Variants in MGMT observed in about 807,000 individuals in gnomAD.
The protein encoded by MGMT is O-6-methylguanine-DNA methyltransferase.
MGMT carries 14 observed loss-of-function variants against 15.9 expected under a neutral mutation model. The observed-to-expected ratio is 0.88, with a 90% CI of 0.58 to 1.37. The LOEUF is 1.37. Ranked by LOEUF, MGMT falls within the 40% of genes most tolerant of loss-of-function variation. The pLI is 0.00. For missense variants in MGMT, 282 were observed against 268.1 expected, an observed-to-expected ratio of 1.05 and a Z score of -0.36; for synonymous variants, 130 against 118.2, an observed-to-expected ratio of 1.10 and a Z score of -0.65.
At chr10:129,582,264 C>G (rs974614654) in intron 2 of MGMT, among the ~76,000 whole-genome samples, 1 of 152,206 alleles carries the variant, frequency 6.6e-6, no homozygotes, top group Non-Finnish European at 1.5e-5. Context: ...CTACCAGGAG[C>G]CAAGGCTGTG....
At chr10:129,568,547 A>G (rs1846381521) in intron 2 of MGMT, among the ~76,000 whole-genome samples, 1 of 152,232 alleles carries the variant, frequency 6.6e-6, no homozygotes, top group Non-Finnish European at 1.5e-5. Context: ...AACACACAAT[A>G]GAATTTCTGA....
chr10:129,637,614 G>A (rs768349257), intron 2 of MGMT, among the ~76,000 whole-genome samples: 1 of 152,172 alleles, frequency 6.6e-6, no homozygotes, highest in Non-Finnish European at 1.5e-5. Flanking sequence ...TGGAGCCCTA[G>A]CCCTCAGTAC....
chr10:129,722,238 A>T (rs1195248745), intron 3 of MGMT, among the ~76,000 whole-genome samples: 1 of 152,174 alleles, frequency 6.6e-6, no homozygotes, highest in Non-Finnish European at 1.5e-5. Context: ...AATGTATTCT[A>T]TTTTTATATA....
chr10:129,673,147 G>T (rs189775656), intron 2 of MGMT, among the ~76,000 whole-genome samples: 1 of 152,118 alleles, frequency 6.6e-6, no homozygotes, highest in Non-Finnish European at 1.5e-5. Flanking sequence ...CAGTCACCTC[G>T]CAGGAATGGT....
Position 129,633,854 on chromosome 10 carries a change from G to C in MGMT, c.126-74041G>C, listed in dbSNP as rs114846591. 4.6e-3 allele frequency among the ~76,000 whole-genome samples: 704 copies of C among 152,296 alleles called. 3 individuals carry two copies. The highest frequency in any genetic ancestry group is 0.016 in the African/African-American group (669 of 41,556). ...AAAGAACCAGATAGTAAATATATTA[G>C]TCTCTGTCTCAGTTATTCTGCCGTT... On this transcript the variant is annotated intron_variant, in intron 2 of 4. Transcript: ENST00000651593.
intron 2 of MGMT, among the ~76,000 whole-genome samples, chr10:129,704,957 G>A (rs559017708): frequency 6.6e-6 from 1 of 152,284 alleles, no homozygotes; most frequent in Non-Finnish European, 1.5e-5. Context: ...TCAAAGCGAA[G>A]TAACCCTGGA....
intron 3 of MGMT, among the ~76,000 whole-genome samples, chr10:129,739,847 A>C (rs933261031): frequency 6.6e-6 from 1 of 152,070 alleles, no homozygotes; most frequent in African/African-American, 2.4e-5. Context: ...CAATTCTTCC[A>C]GTATGGCTCA....
chr10:129,643,100 G>A (rs370662697), intron 2 of MGMT, among the ~76,000 whole-genome samples: 1 of 152,140 alleles, frequency 6.6e-6, no homozygotes, highest in South Asian at 2.1e-4. Flanking sequence ...AGTGAAAACT[G>A]TTAGAAAACC....
rs181725398 is a variant in MGMT, at chr10:129,750,537, T to G, written c.275-8665T>G. Among the ~76,000 whole-genome samples the G allele has an allele frequency of 1.2e-3, 184 of 152,248 alleles. 2 individuals are homozygous for G. The Middle Eastern group carries it at 0.017, about 14-fold the overall frequency. ...GCATCTTTACTGAAAGCGTACAGACTTTTTCTCCTTGTCATTATCCTCTCA... is the reference window on the plus strand; with the variant it reads ...GCATCTTTACTGAAAGCGTACAGACGTTTTCTCCTTGTCATTATCCTCTCA... On this transcript the variant is annotated intron_variant, in intron 3 of 4. Transcript: ENST00000651593.
At chr10:129,627,045 A>G (rs1246628482) in intron 2 of MGMT, among the ~76,000 whole-genome samples, 3 of 152,184 alleles carry the variant, frequency 2.0e-5, no homozygotes, top group Non-Finnish European at 4.4e-5. Context: ...TGGCTTTCAG[A>G]AGGCTTCACG....
At chr10:129,590,227 T>C in intron 2 of MGMT, among the ~76,000 whole-genome samples, 1 of 152,364 alleles carries the variant, frequency 6.6e-6, no homozygotes, top group Non-Finnish European at 1.5e-5. Context: ...TGGAAACACA[T>C]GTTTAATATA....
At chr10:129,759,809 G>C (rs887210520) in intron 4 of MGMT, among the ~76,000 whole-genome samples, 1 of 152,112 alleles carries the variant, frequency 6.6e-6, no homozygotes, top group Non-Finnish European at 1.5e-5. Context: ...CCATCTCTCT[G>C]TGGGCTGCAC....
intron 2 of MGMT, among the ~76,000 whole-genome samples, chr10:129,620,265 A>G (rs983334688): frequency 6.6e-6 from 1 of 152,234 alleles, no homozygotes; most frequent in African/African-American, 2.4e-5. Flanking sequence ...TAATTATTGT[A>G]AATGGTGATT....
At chr10:129,633,526 AT>A (rs1397896654) in intron 2 of MGMT, among the ~76,000 whole-genome samples, 3 of 152,174 alleles carry the variant, frequency 2.0e-5, no homozygotes, top group Admixed American at 6.5e-5. Flanking sequence ...TGTATTTCAA[AT>A]TTTTTATAGT....
chr10:129,676,957 C>T (rs557851329), intron 2 of MGMT, among the ~76,000 whole-genome samples: 3 of 152,152 alleles, frequency 2.0e-5, no homozygotes, highest in South Asian at 2.1e-4. Flanking sequence ...GTCCTTATTT[C>T]AGTAAATCTG....
At chr10:129,731,769 G>C (rs1015139525) in intron 3 of MGMT, among the ~76,000 whole-genome samples, 1 of 152,138 alleles carries the variant, frequency 6.6e-6, no homozygotes, top group East Asian at 1.9e-4. Context: ...TAGGTAATAT[G>C]CTTCTGGAAA....
At chr10:129,534,283 C>G (rs1845962664) in intron 1 of MGMT, among the ~76,000 whole-genome samples, 1 of 152,104 alleles carries the variant, frequency 6.6e-6, no homozygotes, top group Non-Finnish European at 1.5e-5. Context: ...GGTTTTTACC[C>G]TTGAGGCAGC....
intron 3 of MGMT, among the ~76,000 whole-genome samples, chr10:129,721,059 G>A (rs894681642): frequency 6.6e-6 from 1 of 152,232 alleles, no homozygotes; most frequent in African/African-American, 2.4e-5. Flanking sequence ...GCACATTGAT[G>A]GCAAGTTGAT....
chr10:129,514,432 C>T (rs144722163), intron 1 of MGMT, among the ~76,000 whole-genome samples: 46 of 152,082 alleles, frequency 3.0e-4, no homozygotes, highest in African/African-American at 9.4e-4. Context: ...TATCTTTCCC[C>T]GTGTATATTA....
Sources: allele counts gnomAD v4.1 joint callset (sites outside exome capture counted in the v4.1 genomes callset), GRCh38; gene constraint gnomAD v4.1.1; transcripts MANE v1.5; gene names NCBI Gene and HGNC (gene_info 2026-07-23, HGNC 2026-07-21).